Variants in KCNQ1 observed in about 807,000 individuals in gnomAD.
The protein encoded by KCNQ1 is potassium voltage-gated channel subfamily KQT member 1.
In KCNQ1, 49 loss-of-function variants were observed where a neutral mutation model predicts 72.4. The ratio of observed to expected loss-of-function variants is 0.68; its 90% CI spans 0.54 to 0.86. KCNQ1 has a LOEUF of 0.86. KCNQ1 is among the 40% of genes least tolerant of loss of function. The probability of loss-of-function intolerance (pLI) is 0.00; values close to 1 mark genes in which losing one functional copy is unlikely to be tolerated. For synonymous variants in KCNQ1, 450 were observed against 412.6 expected (o/e 1.09, Z -1.10); for missense variants, 790 against 945.1 (o/e 0.84, Z 2.15).
chr11:2,696,167 C>T (rs1251386013), intron 11 of KCNQ1: 2 of 398,584 alleles, frequency 5.0e-6, no homozygotes, highest in East Asian at 3.6e-5. Context: ...CTTTCTGGAT[C>T]CTGTTTAAGA....
chr11:2,773,131 G>A lies in KCNQ1; in HGVS notation c.1591-2829G>A, dbSNP rs549541124. 1.2e-4 allele frequency among the ~76,000 whole-genome samples: 18 copies of A among 150,338 alleles called. No homozygotes were observed. In the South Asian group the frequency reaches 1.5e-3, roughly 12 times the overall value. On this transcript the variant is annotated intron_variant, in intron 12 of 15. Coordinates refer to ENST00000155840, the MANE Select transcript of KCNQ1 (RefSeq NM_000218.3). ...AGCATCCCATCTTAGAGAAGAGAGC[G>A]TAGAATCTCCATCATACAGAAGGGA...
chr11:2,466,841 G>A (rs1422582198), intron 1 of KCNQ1, among the ~76,000 whole-genome samples: 1 of 152,192 alleles, frequency 6.6e-6, no homozygotes, highest in Non-Finnish European at 1.5e-5. Flanking sequence ...AGTTTATAGA[G>A]AGCGAGGGCC....
chr11:2,574,610 G>A (rs1848392717), intron 6 of KCNQ1, among the ~76,000 whole-genome samples: 1 of 152,204 alleles, frequency 6.6e-6, no homozygotes, highest in Non-Finnish European at 1.5e-5. Flanking sequence ...TGGGTGGGGT[G>A]AGAAGCCTCC....
chr11:2,667,098 T>G, intron 11 of KCNQ1: 1 of 398,606 alleles, frequency 2.5e-6, no homozygotes, highest in Non-Finnish European at 4.4e-6. Context: ...TCTAATTAAA[T>G]TAAAACCGAG....
At chr11:2,639,410 T>G (rs1279245888) in intron 10 of KCNQ1, 1 of 152,254 alleles carries the variant, frequency 6.6e-6, no homozygotes, top group African/African-American at 2.4e-5. Flanking sequence ...TCCTTTCTGT[T>G]TGTTAGTTTT....
At chr11:2,470,166 G>A (rs148963392) in intron 1 of KCNQ1, among the ~76,000 whole-genome samples, 147 of 152,282 alleles carry the variant, frequency 9.7e-4, no homozygotes, top group Non-Finnish European at 1.7e-3. Flanking sequence ...TGGCTATGTC[G>A]CTGACAATCA....
rs1850879206 is a variant in KCNQ1, at chr11:2,704,753, A to G, written c.1514+42672A>G. On this transcript the variant is annotated intron_variant, in intron 11 of 15. Coordinates refer to ENST00000155840, the MANE Select transcript of KCNQ1 (RefSeq NM_000218.3). The surrounding 1 kb of genome is among the most constrained non-coding windows in gnomAD (Gnocchi z 4.3). ...GCCAGGCTGGGCTCCCTCAGGCGGCAACTTTGTCTAGACTTCTGGCTGAGG... is the reference window on the plus strand; with the variant it reads ...GCCAGGCTGGGCTCCCTCAGGCGGCGACTTTGTCTAGACTTCTGGCTGAGG... Among the ~76,000 whole-genome samples, 1 of 152,068 alleles carries G rather than the reference A, an allele frequency of 6.6e-6. No homozygotes were observed. Among genetic ancestry groups the G allele is most frequent in the African/African-American group, 2.4e-5 (1 of 41,412 alleles).
rs533345016 is a variant in KCNQ1 at position 2,806,406 on chromosome 11, G to A, written c.1794+28369G>A. ...TTTGTCTGTCCTTCCCAGCCTGCCT[G>A]GGGCCACATGGGCCACTGTGCCCAG... On this transcript the variant is annotated intron_variant, in intron 15 of 15. Transcript: ENST00000155840. Among the ~76,000 whole-genome samples the A allele has an allele frequency of 2.0e-5, 3 of 152,324 alleles. No homozygotes were observed. In the South Asian group the frequency reaches 6.2e-4, roughly 32 times the overall value.
At position 2,492,476 on chromosome 11, in the gene KCNQ1, G is replaced by A. The variant is rs909884913; in HGVS notation, c.387-35452G>A. On this transcript the variant is annotated intron_variant, in intron 1 of 15. Transcript: ENST00000155840. This position sits in a 1 kb window ranked among gnomAD's most constrained non-coding sequence, Gnocchi z 4.1. ...ATCATCTAGGTTTTAAGCCCTACAT[G>A]CATTAGGTATTTGTCCTAATGCTCT... Among the ~76,000 whole-genome samples, 4 of 152,042 alleles carry A rather than the reference G, an allele frequency of 2.6e-5. No individual in the cohort carries two copies. Among genetic ancestry groups the A allele is most frequent in the Non-Finnish European group, 1.5e-5 (1 of 68,008 alleles).
Position 2,652,788 on chromosome 11 carries a change from A to G in KCNQ1, c.1394-9173A>G. 2.5e-6 allele frequency: 1 copy of G among 399,078 alleles called. No individual in the cohort carries two copies. The highest frequency in any genetic ancestry group is 4.4e-6 in the Non-Finnish European group (1 of 226,476). 24.7% of individuals were successfully genotyped at this position (399,078 alleles called of 1,614,324 possible). A position where few individuals can be genotyped will look rare whatever the true frequency, so the allele number is the denominator to read the frequency against. ...GTCTTCCTCAGCGCCCCCGCTACTC[A>G]GACCCCACCCTTGGGCCTGCAGAGA... is the stretch of plus-strand genomic sequence containing the variant. On this transcript the variant is annotated intron_variant, in intron 10 of 15. Coordinates refer to ENST00000155840, the MANE Select transcript of KCNQ1 (RefSeq NM_000218.3). The surrounding 1 kb of genome is among the most constrained non-coding windows in gnomAD (Gnocchi z 5.9).
At chr11:2,636,984 T>C (rs1448066562) in intron 10 of KCNQ1, 2 of 152,230 alleles carry the variant, frequency 1.3e-5, no homozygotes, top group South Asian at 2.1e-4. Context: ...GAGGTGTTTA[T>C]AGTATTCTCT....
chr11:2,649,457 G>A (rs1324593062), intron 10 of KCNQ1: 1 of 398,340 alleles, frequency 2.5e-6, no homozygotes, highest in African/African-American at 2.1e-5. Flanking sequence ...AGCATTTCTT[G>A]TGGGGCTGAT....
chr11:2,688,635 C>T (rs1227062929), intron 11 of KCNQ1: 1 of 398,666 alleles, frequency 2.5e-6, no homozygotes, highest in Non-Finnish European at 4.4e-6. Flanking sequence ...GAGCTCTGGA[C>T]CTGCCTCCTA....
chr11:2,701,277 G>A (rs1281798418), intron 11 of KCNQ1, among the ~76,000 whole-genome samples: 3 of 152,178 alleles, frequency 2.0e-5, no homozygotes, highest in Non-Finnish European at 4.4e-5. Flanking sequence ...TTTTCAGGCA[G>A]CAAGTGATTC....
rs2133834953 is a variant in KCNQ1 at position 2,645,045 on chromosome 11, A to G, written c.1394-16916A>G. On this transcript the variant is annotated intron_variant, in intron 10 of 15. Coordinates refer to ENST00000155840, the MANE Select transcript of KCNQ1 (RefSeq NM_000218.3). The surrounding 1 kb of genome is among the most constrained non-coding windows in gnomAD (Gnocchi z 5.8). ...TTTTGGGCCTCCAGGCAACTTGCTCAGGTGCCAATGATGACAGAGCTGGGC... is the reference window on the plus strand; with the variant it reads ...TTTTGGGCCTCCAGGCAACTTGCTCGGGTGCCAATGATGACAGAGCTGGGC... 1 of 398,820 alleles carries G rather than the reference A, an allele frequency of 2.5e-6. No homozygotes were observed. The highest frequency in any genetic ancestry group is 1.3e-4 in the South Asian group (1 of 7,856). The allele number at this position is 398,820 out of a possible 1,614,324, so 24.7% of individuals were successfully genotyped here. A position where few individuals can be genotyped will look rare whatever the true frequency, so the allele number is the denominator to read the frequency against.
rs374319550 is a variant in KCNQ1 at position 2,447,724 on chromosome 11, T to C, written c.386+2240T>C. Reference sequence around the variant, plus strand: ...GACAGGGCCCTGTCCTTAGGTGGATTGTGAAATGAGAAATATTGTGGTTTC... The same window carrying C: ...GACAGGGCCCTGTCCTTAGGTGGATCGTGAAATGAGAAATATTGTGGTTTC... On this transcript the variant is annotated intron_variant, in intron 1 of 15. Coordinates refer to ENST00000155840, the MANE Select transcript of KCNQ1 (RefSeq NM_000218.3). This position sits in a 1 kb window ranked among gnomAD's most constrained non-coding sequence, Gnocchi z 7.6. 3.3e-5 allele frequency among the ~76,000 whole-genome samples: 5 copies of C among 152,102 alleles called. No homozygotes were observed. In the East Asian group the frequency reaches 5.8e-4, roughly 18 times the overall value.
intron 6 of KCNQ1, among the ~76,000 whole-genome samples, chr11:2,575,674 G>A (rs557011036): frequency 1.2e-4 from 19 of 152,332 alleles, no homozygotes; most frequent in African/African-American, 3.4e-4. Flanking sequence ...ATGTCTGTCC[G>A]TCCGTCGGGG....
intron 10 of KCNQ1, chr11:2,650,897 A>G (rs1410946568): frequency 5.0e-6 from 2 of 398,558 alleles, no homozygotes; most frequent in Non-Finnish European, 8.8e-6. Context: ...GCAGCATGCT[A>G]TTTTTCTCCA....
intron 6 of KCNQ1, among the ~76,000 whole-genome samples, chr11:2,577,643 G>T (rs961765600): frequency 1.3e-5 from 2 of 152,216 alleles, no homozygotes; most frequent in Non-Finnish European, 2.9e-5. Flanking sequence ...TGGGGTGTGT[G>T]TCTGCTTTTG....
Sources: gnomAD v4.1 joint callset for allele counts (sites outside exome capture counted in the v4.1 genomes callset) on GRCh38, gnomAD v4.1.1 for gene constraint, Gnocchi (gnomAD v3.1) non-coding constraint, MANE v1.5 for transcripts, NCBI Gene and HGNC (gene_info 2026-07-23, HGNC 2026-07-21) for gene names.